ZRANB1: variants seen among roughly 807,000 people sequenced by gnomAD.
The protein encoded by ZRANB1 is ubiquitin thioesterase ZRANB1.
Under a neutral mutation model 80.5 loss-of-function variants are expected in ZRANB1, and 16 were observed. That is an observed-to-expected ratio of 0.20 (90% CI 0.13 to 0.30). The LOEUF is 0.30. Among genes scored for constraint, ZRANB1 ranks in the 10% least tolerant of loss-of-function variants. The pLI is 1.00. For missense variants in ZRANB1, 576 were observed against 862.6 expected, an observed-to-expected ratio of 0.67 and a Z score of 4.16; for synonymous variants, 291 against 293.1, an observed-to-expected ratio of 0.99 and a Z score of 0.07.
rs1262259817 is a variant in ZRANB1 at position 124,985,035 on chromosome 10, A to G, written c.*43A>G. On this transcript the variant is annotated 3_prime_UTR_variant, in exon 9 of 9. Coordinates refer to ENST00000359653, the MANE Select transcript of ZRANB1 (RefSeq NM_017580.3). ...CAGAAGACCAAGGCATCAGATCTGT[A>G]ATGACCCTAAAGTTAGTGTGGTGCT... The G allele has an allele frequency of 2.0e-6, 3 of 1,466,240 alleles. No homozygotes were observed. The Admixed American group carries it at 5.8e-5, about 28-fold the overall frequency. The allele number at this position is 1,466,240 out of a possible 1,614,324, so 90.8% of individuals were successfully genotyped here. A position where few individuals can be genotyped will look rare whatever the true frequency, so the allele number is the denominator to read the frequency against.
the ZRANB1 span, among the ~76,000 whole-genome samples, chr10:124,925,769 A>C: frequency 6.6e-6 from 1 of 152,148 alleles, no homozygotes; most frequent in East Asian, 1.9e-4. Flanking sequence ...GTTTTTTTGC[A>C]TGTGGCTGTC....
At chr10:124,955,335 A>G (rs1951680586) in intron 1 of ZRANB1, among the ~76,000 whole-genome samples, 1 of 151,818 alleles carries the variant, frequency 6.6e-6, no homozygotes, top group Non-Finnish European at 1.5e-5. Flanking sequence ...TCCTGGGTTC[A>G]AGTGATCCTC....
the ZRANB1 span, chr10:124,917,316 C>G: frequency 1.3e-4 from 20 of 151,154 alleles, no homozygotes; most frequent in African/African-American, 4.6e-4. Context: ...CTGCCGGGCC[C>G]CTCGCTCCCA....
At position 124,986,413 on chromosome 10, in the gene ZRANB1, A is replaced by G. The variant is rs1300336758; in HGVS notation, c.*1421A>G. On this transcript the variant is annotated 3_prime_UTR_variant, in exon 9 of 9. Transcript: ENST00000359653. The stretch of plus-strand genomic sequence containing the variant: ...TTGTTTAGTTGATAATGAAATGTGT[A>G]CAACCTCAAATTTGCTGCCAGAATA... The G allele has an allele frequency of 6.6e-6, 1 of 152,500 alleles. No individual in the cohort carries two copies. The highest frequency in any genetic ancestry group is 1.5e-5 in the Non-Finnish European group (1 of 68,038). 9.4% of individuals were successfully genotyped at this position (152,500 alleles called of 1,614,324 possible). A position where few individuals can be genotyped will look rare whatever the true frequency, so the allele number is the denominator to read the frequency against.
chr10:124,973,191 C>A (rs1396901476), intron 3 of ZRANB1, among the ~76,000 whole-genome samples: 2 of 152,120 alleles, frequency 1.3e-5, no homozygotes, highest in Non-Finnish European at 2.9e-5. Context: ...CTTACTCTAT[C>A]GCCTAGGCTG....
chr10:124,944,039 G>A (rs1951559461), intron 1 of ZRANB1, among the ~76,000 whole-genome samples: 1 of 152,198 alleles, frequency 6.6e-6, no homozygotes, highest in South Asian at 2.1e-4. Flanking sequence ...CATACTTCAA[G>A]TTATGGTTCA....
the ZRANB1 span, among the ~76,000 whole-genome samples, chr10:124,935,668 A>G: frequency 6.6e-6 from 1 of 152,190 alleles, no homozygotes. Context: ...AGTTGCTGCC[A>G]TGGAGTTGAT....
rs74160978 is a variant in ZRANB1, at chr10:124,945,041, A to G, written c.814+1734A>G. On this transcript the variant is annotated intron_variant, in intron 1 of 8. Transcript: ENST00000359653. Reference sequence around the variant, plus strand: ...GTATGATTGTCAGTTAAAAAAATTTAAACAGGAGATACAAAAGGGTTTTGT... The same window carrying G: ...GTATGATTGTCAGTTAAAAAAATTTGAACAGGAGATACAAAAGGGTTTTGT... 3.5e-3 allele frequency among the ~76,000 whole-genome samples: 540 copies of G among 152,354 alleles called. 2 individuals carry two copies. Among genetic ancestry groups the G allele is most frequent in the African/African-American group, 0.012 (502 of 41,584 alleles).
chr10:124,958,234 G>A lies in ZRANB1; in HGVS notation c.815-8360G>A, dbSNP rs146740278. Among the ~76,000 whole-genome samples, 84 of 152,272 alleles carry A rather than the reference G, an allele frequency of 5.5e-4. 1 individual carries two copies. The East Asian group carries it at 0.015, about 27-fold the overall frequency. ...ACAACTTGCGACTAGCATGTGCAACGTAGCGGGACCTCTTCTCTATTAAAA... is the reference window on the plus strand; with the variant it reads ...ACAACTTGCGACTAGCATGTGCAACATAGCGGGACCTCTTCTCTATTAAAA... On this transcript the variant is annotated intron_variant, in intron 1 of 8. Transcript: ENST00000359653.
At position 124,983,505 on chromosome 10, in the gene ZRANB1, T is replaced by C; in HGVS notation, c.1725T>C (p.Ser575=). The change falls in exon 8 of 9, where the codon AGT becomes AGC. Residue 575 remains serine (S), a synonymous_variant. Coordinates refer to ENST00000359653, the MANE Select transcript of ZRANB1 (RefSeq NM_017580.3). This position sits in a 1 kb window ranked among gnomAD's most constrained non-coding sequence, Gnocchi z 6.2. ...GGGAACAGAGTTTTTGTTGGAAAAG[T>C]CCGATTGCTCTGGGTTATACGAGGG... ...LLWEQSFCWK[S]PIALGYTRGH... is the part of the protein sequence containing the mutation. 1 of 1,613,734 alleles carries C rather than the reference T, an allele frequency of 6.2e-7. No individual in the cohort carries two copies. The highest frequency in any genetic ancestry group is 2.2e-5 in the East Asian group (1 of 44,870).
intron 1 of ZRANB1, among the ~76,000 whole-genome samples, chr10:124,952,792 G>A (rs1394979723): frequency 1.3e-5 from 2 of 151,992 alleles, no homozygotes; most frequent in African/African-American, 4.8e-5. Context: ...TGTATTTTTA[G>A]TAGAGACGGG....
the ZRANB1 span, among the ~76,000 whole-genome samples, chr10:124,931,529 C>G: frequency 2.0e-5 from 3 of 152,058 alleles, no homozygotes; most frequent in African/African-American, 4.8e-5. Context: ...CACCACGACT[C>G]CCGGCTAATT....
chr10:124,931,377 T>C, the ZRANB1 span, among the ~76,000 whole-genome samples: 2 of 152,148 alleles, frequency 1.3e-5, no homozygotes, highest in East Asian at 1.9e-4. Flanking sequence ...CTCTCCGTTA[T>C]TATTATTTTT....
chr10:124,962,063 G>T (rs1951738343), intron 1 of ZRANB1, among the ~76,000 whole-genome samples: 1 of 152,178 alleles, frequency 6.6e-6, no homozygotes, highest in Non-Finnish European at 1.5e-5. Flanking sequence ...CAGCTCATTA[G>T]TTTTGAAAGA....
upstream of ZRANB1, chr10:124,940,537 C>T (rs1157702751): frequency 3.9e-6 from 5 of 1,289,112 alleles, 1 homozygote; most frequent in South Asian, 6.2e-5. Flanking sequence ...AGCGTGGGAA[C>T]TAAAATCTTA....
intron 1 of ZRANB1, among the ~76,000 whole-genome samples, chr10:124,951,826 G>A (rs538282391): frequency 2.6e-5 from 4 of 152,000 alleles, no homozygotes; most frequent in Admixed American, 6.6e-5. Flanking sequence ...GTGTGGTGGC[G>A]GGCATCTGTA....
intron 5 of ZRANB1, among the ~76,000 whole-genome samples, chr10:124,975,915 T>C (rs939254291): frequency 6.6e-6 from 1 of 152,112 alleles, no homozygotes; most frequent in Admixed American, 6.5e-5. Context: ...GGCACGAGAA[T>C]TGCTTAAATC....
At chr10:124,952,113 A>G (rs577248267) in intron 1 of ZRANB1, among the ~76,000 whole-genome samples, 268 of 152,258 alleles carry the variant, frequency 1.8e-3, no homozygotes, top group Non-Finnish European at 3.2e-3. Flanking sequence ...TGCATGACCA[A>G]TATAAATAGA....
the ZRANB1 span, among the ~76,000 whole-genome samples, chr10:124,924,493 C>T: frequency 6.6e-6 from 1 of 152,138 alleles, no homozygotes; most frequent in African/African-American, 2.4e-5. Context: ...TTCCGCCTTG[C>T]CTCAGCTCCT....
Sources: allele counts gnomAD v4.1 joint callset (sites outside exome capture counted in the v4.1 genomes callset), GRCh38; gene constraint gnomAD v4.1.1; non-coding constraint Gnocchi (gnomAD v3.1); transcripts MANE v1.5; gene names NCBI Gene and HGNC (gene_info 2026-07-23, HGNC 2026-07-21).